CMKLR1: variants seen among roughly 807,000 people sequenced by gnomAD.
The protein encoded by CMKLR1 is chemerin chemokine-like receptor 1, also known as chemerin-like receptor 1.
A neutral mutation model predicts 8.2 loss-of-function variants in CMKLR1; 6 were observed. The ratio of observed to expected loss-of-function variants is 0.73; its 90% CI spans 0.40 to 1.44. The LOEUF (loss-of-function observed/expected upper bound fraction) is 1.44. Among genes scored for constraint, CMKLR1 ranks in the 40% most tolerant of loss-of-function variants. The pLI, the probability that CMKLR1 is intolerant of heterozygous loss-of-function variation, is 0.02. For synonymous variants in CMKLR1, 178 were observed against 181.2 expected (o/e 0.98, Z 0.14); for missense variants, 429 against 478.0 (o/e 0.90, Z 0.96).
chr12:108,292,391 T>C lies in CMKLR1; in HGVS notation c.572A>G (p.Asn191Ser), dbSNP rs143907187. Reference protein sequence around the residue: ...ANLHGKISCFNNFSLSTPGSS... With the variant: ...ANLHGKISCFSNFSLSTPGSS... ...CCCAGGTGTGGACAGGCTGAAGTTG[T>C]TGAAGCAGGATATTTTCCCATGCAG... The change falls in exon 4 of 4, where the codon AAC becomes AGC. Residue 191 changes from asparagine to serine, a missense_variant. Asn to Ser is a conservative substitution (Grantham distance 46). Coordinates refer to ENST00000550402, the MANE Select transcript of CMKLR1 (RefSeq NM_001142343.2). 6.2e-7 allele frequency: 1 copy of C among 1,614,142 alleles called. No homozygotes were observed. The highest frequency in any genetic ancestry group is 8.5e-7 in the Non-Finnish European group (1 of 1,180,028).
intron 2 of CMKLR1, among the ~76,000 whole-genome samples, chr12:108,328,591 C>A (rs1892036930): frequency 6.6e-6 from 1 of 152,194 alleles, no homozygotes; most frequent in Non-Finnish European, 1.5e-5. Context: ...CGGTGGCCAT[C>A]CCTTCTGACT....
chr12:108,291,031 A>C lies in CMKLR1; in HGVS notation c.*810T>G. 6.6e-6 allele frequency: 1 copy of C among 152,474 alleles called. No homozygotes were observed. The highest frequency in any genetic ancestry group is 2.4e-5 in the African/African-American group (1 of 41,594). The allele number at this position is 152,474 out of a possible 1,614,324, so 9.4% of individuals were successfully genotyped here. A position where few individuals can be genotyped will look rare whatever the true frequency, so the allele number is the denominator to read the frequency against. On this transcript the variant is annotated 3_prime_UTR_variant, in exon 4 of 4. Coordinates refer to ENST00000550402, the MANE Select transcript of CMKLR1 (RefSeq NM_001142343.2). ...AACCCCACCCCCAGGTAAGAGGGGC[A>C]AGGTGAGATCAGGGGCTGGCACCAC...
intron 2 of CMKLR1, among the ~76,000 whole-genome samples, chr12:108,293,887 G>A (rs183924499): frequency 6.6e-6 from 1 of 152,242 alleles, no homozygotes; most frequent in Admixed American, 6.5e-5. Flanking sequence ...GTCAAGTGCT[G>A]GACTCTTCAT....
chr12:108,292,963 C>A lies in CMKLR1; in HGVS notation c.4-4G>T. On this transcript the variant is annotated splice_region_variant and splice_polypyrimidine_tract_variant and intron_variant, in intron 3 of 3. Transcript: ENST00000550402. ...TGTAATCTTCATCCTCCATTCTCTG[C>A]AAGAGAAGACAGGGACCATTAGAGG... 3.1e-6 allele frequency: 5 copies of A among 1,598,360 alleles called. No homozygotes were observed. Among genetic ancestry groups the A allele is most frequent in the Non-Finnish European group, 4.3e-6 (5 of 1,170,804 alleles).
At chr12:108,312,800 C>T (rs1891618985) in intron 2 of CMKLR1, among the ~76,000 whole-genome samples, 1 of 152,156 alleles carries the variant, frequency 6.6e-6, no homozygotes, top group South Asian at 2.1e-4. Context: ...ACCTGTGCAA[C>T]TTCCGCACCT....
At chr12:108,337,880 T>C (rs1328535211) in intron 1 of CMKLR1, among the ~76,000 whole-genome samples, 2 of 152,274 alleles carry the variant, frequency 1.3e-5, no homozygotes, top group East Asian at 3.9e-4. Flanking sequence ...CCAAGGCATT[T>C]AGAGGAATCT....
At chr12:108,321,485 G>C (rs1030121834) in intron 2 of CMKLR1, among the ~76,000 whole-genome samples, 1 of 152,158 alleles carries the variant, frequency 6.6e-6, no homozygotes, top group Admixed American at 6.5e-5. Context: ...ATTGCATGAT[G>C]AGCAAAACAT....
At chr12:108,332,111 C>A (rs1402591956) in intron 1 of CMKLR1, among the ~76,000 whole-genome samples, 1 of 152,172 alleles carries the variant, frequency 6.6e-6, no homozygotes, top group East Asian at 1.9e-4. Context: ...TTATTCCCCA[C>A]CCCAAGTCAT....
intron 2 of CMKLR1, among the ~76,000 whole-genome samples, chr12:108,297,138 G>A (rs1891160116): frequency 6.6e-6 from 1 of 152,088 alleles, no homozygotes; most frequent in Non-Finnish European, 1.5e-5. Flanking sequence ...TGCCACCCCT[G>A]AGACAGCAAA....
In CMKLR1 at chr12:108,324,638, AT is replaced by A. The variant is rs537630559; in HGVS notation, c.-74+5356del. Among the ~76,000 whole-genome samples the A allele has an allele frequency of 5.3e-4, 80 of 152,232 alleles. 4 individuals carry two copies. The highest frequency in any genetic ancestry group is 1.9e-3 in the South Asian group (9 of 4,810). On this transcript the variant is annotated intron_variant, in intron 2 of 3. Transcript: ENST00000550402. The stretch of plus-strand genomic sequence containing the variant: ...GCACTGAATGCAAAGTTCCCAAGCT[AT>A]TTTTTTAAAGCATGTGCCCTCAAAA...
chr12:108,324,187 CTTG>C (rs1891929207), intron 2 of CMKLR1, among the ~76,000 whole-genome samples: 1 of 152,328 alleles, frequency 6.6e-6, no homozygotes, highest in African/African-American at 2.4e-5. Context: ...TGTGATCACG[CTTG>C]TTGTAGAACA....
intron 2 of CMKLR1, among the ~76,000 whole-genome samples, chr12:108,299,176 C>A (rs1891206017): frequency 6.6e-6 from 1 of 152,192 alleles, no homozygotes. Flanking sequence ...CTGCATATGC[C>A]TGCACCAGGT....
intron 2 of CMKLR1, among the ~76,000 whole-genome samples, chr12:108,301,211 G>GA (rs1445856026): frequency 6.6e-6 from 1 of 151,852 alleles, no homozygotes; most frequent in African/African-American, 2.4e-5. Flanking sequence ...GAGTAGCTGG[G>GA]ACTACAGGCA....
Position 108,288,845 on chromosome 12 carries a change from G to T in CMKLR1, c.*2996C>A, listed in dbSNP as rs368805607. On this transcript the variant is annotated 3_prime_UTR_variant, in exon 4 of 4. Transcript: ENST00000550402. ...CCCTCTCCTTCCAAGGGCTGAAGAA[G>T]TTGGGCATTCAGGCAGCTGACCTGA... is the stretch of plus-strand genomic sequence containing the variant. 1 of 152,054 alleles carries T rather than the reference G, an allele frequency of 6.6e-6. No homozygotes were observed. The highest frequency in any genetic ancestry group is 1.5e-5 in the Non-Finnish European group (1 of 68,130). 9.4% of individuals were successfully genotyped at this position (152,054 alleles called of 1,614,324 possible).
At chr12:108,303,872 AT>A (rs1467436291) in intron 2 of CMKLR1, among the ~76,000 whole-genome samples, 1 of 152,200 alleles carries the variant, frequency 6.6e-6, no homozygotes, top group African/African-American at 2.4e-5. Context: ...GGGATCATTC[AT>A]TTATTCATCC....
intron 1 of CMKLR1, among the ~76,000 whole-genome samples, chr12:108,335,857 G>A (rs1254205415): frequency 2.0e-5 from 3 of 152,292 alleles, no homozygotes; most frequent in African/African-American, 4.8e-5. Context: ...TTCCCCATAA[G>A]ACTTTCATTT....
chr12:108,308,745 T>C (rs1386280317), intron 2 of CMKLR1, among the ~76,000 whole-genome samples: 5 of 152,192 alleles, frequency 3.3e-5, no homozygotes, highest in Non-Finnish European at 1.5e-5. Flanking sequence ...AATCTTGATA[T>C]TGGGCTCAGC....
intron 2 of CMKLR1, among the ~76,000 whole-genome samples, chr12:108,321,021 C>G (rs1472612665): frequency 6.6e-6 from 1 of 152,226 alleles, no homozygotes; most frequent in Non-Finnish European, 1.5e-5. Flanking sequence ...CTCACAGCTG[C>G]CCTCTCCTCC....
At chr12:108,321,595 G>A (rs992780698) in intron 2 of CMKLR1, among the ~76,000 whole-genome samples, 5 of 152,016 alleles carry the variant, frequency 3.3e-5, no homozygotes, top group Non-Finnish European at 7.4e-5. Flanking sequence ...AACACAGAAC[G>A]TGCACCCAAA....
Sources: gnomAD v4.1 joint callset for allele counts (sites outside exome capture counted in the v4.1 genomes callset) on GRCh38, gnomAD v4.1.1 for gene constraint, MANE v1.5 for transcripts, NCBI Gene and HGNC (gene_info 2026-07-23, HGNC 2026-07-21) for gene names.